Variants in CHODL observed in about 807,000 individuals in gnomAD.
CHODL encodes transmembrane protein MT75.
CHODL carries 29 observed loss-of-function variants against 34.5 expected under a neutral mutation model. The observed-to-expected ratio is 0.84, with a 90% CI of 0.63 to 1.15. The LOEUF (loss-of-function observed/expected upper bound fraction) is 1.15. CHODL is among the 50% of genes most tolerant of loss of function. CHODL has a pLI of 0.00. For missense variants in CHODL, 332 were observed against 332.5 expected, an observed-to-expected ratio of 1.00 and a Z score of 0.01; for synonymous variants, 125 against 116.1, an observed-to-expected ratio of 1.08 and a Z score of -0.49.
At chr21:18,167,137 G>A (rs890613009) in intron 2 of CHODL, among the ~76,000 whole-genome samples, 2 of 151,666 alleles carry the variant, frequency 1.3e-5, no homozygotes, top group Non-Finnish European at 2.9e-5. Flanking sequence ...ATACAGGTGA[G>A]ACAAATATCC....
In CHODL at chr21:17,920,583, C is replaced by A. The variant is rs114521735; in HGVS notation, c.-145+3183C>A. ...ATGGGATTTGGGTGGGGACACAGAA[C>A]AACCATATCATATACTAAACTCACA... On this transcript the variant is annotated intron_variant, in intron 1 of 6. Coordinates refer to the CHODL transcript ENST00000400127. Among the ~76,000 whole-genome samples the A allele has an allele frequency of 8.0e-3, 1,218 of 152,304 alleles. 19 individuals carry two copies. The highest frequency in any genetic ancestry group is 0.027 in the African/African-American group (1,122 of 41,550).
At chr21:18,000,050 T>A (rs553443991) in intron 1 of CHODL, among the ~76,000 whole-genome samples, 1 of 152,314 alleles carries the variant, frequency 6.6e-6, no homozygotes, top group South Asian at 2.1e-4. Context: ...CTCAAATATC[T>A]AGTTTCAACT....
chr21:18,244,983 C>T lies in CHODL; in HGVS notation c.-241C>T. The T allele has an allele frequency of 2.2e-6, 1 of 453,780 alleles. No homozygotes were observed. Among genetic ancestry groups the T allele is most frequent in the Non-Finnish European group, 3.9e-6 (1 of 258,804 alleles). The allele number at this position is 453,780 out of a possible 1,614,324, so 28.1% of individuals were successfully genotyped here. A position where few individuals can be genotyped will look rare whatever the true frequency, so the allele number is the denominator to read the frequency against. ...CACGGGACCCCCTAACTTCAGTCCC[C>T]CAAACGCGCACCCTCGAAGTCTTGA... On this transcript the variant is annotated 5_prime_UTR_variant, in exon 1 of 6. Transcript: ENST00000299295.
chr21:17,982,142 G>C (rs2063718792), intron 1 of CHODL, among the ~76,000 whole-genome samples: 1 of 152,184 alleles, frequency 6.6e-6, no homozygotes, highest in Non-Finnish European at 1.5e-5. Context: ...TTCTAACACG[G>C]ATTTTAAAAC....
chr21:17,933,249 C>G (rs1044373736), intron 1 of CHODL, among the ~76,000 whole-genome samples: 1 of 152,170 alleles, frequency 6.6e-6, no homozygotes, highest in African/African-American at 2.4e-5. Context: ...TATACTAATC[C>G]TCCTCAGCAC....
At chr21:17,976,342 G>A (rs184175562) in intron 1 of CHODL, among the ~76,000 whole-genome samples, 1 of 143,510 alleles carries the variant, frequency 7.0e-6, no homozygotes, top group African/African-American at 2.5e-5. Context: ...TCTTTTAGTT[G>A]AATGTACAGA....
At chr21:18,256,371 T>C (rs1291766959) in intron 1 of CHODL, 138 bp from the exon 2 acceptor site, 1 of 900,732 alleles carries the variant, frequency 1.1e-6, no homozygotes, top group Non-Finnish European at 1.6e-6. Context: ...GAAAATAAAC[T>C]TTATGAAATA....
intron 2 of CHODL, among the ~76,000 whole-genome samples, chr21:18,079,858 G>T (rs540132359): frequency 3.0e-4 from 24 of 79,626 alleles, no homozygotes; most frequent in Non-Finnish European, 7.7e-4. Context: ...CACAGTAGTG[G>T]GATTGCTAGA....
intron 2 of CHODL, among the ~76,000 whole-genome samples, chr21:18,041,303 G>A (rs1346401459): frequency 2.0e-5 from 3 of 151,764 alleles, no homozygotes; most frequent in Non-Finnish European, 2.9e-5. Flanking sequence ...TGGGGACTTG[G>A]GTAAGTTACT....
intron 1 of CHODL, among the ~76,000 whole-genome samples, chr21:17,967,469 T>C (rs928461400): frequency 6.6e-6 from 1 of 152,196 alleles, no homozygotes; most frequent in Non-Finnish European, 1.5e-5. Context: ...GTTTTTATTT[T>C]CAGTTTCTCC....
At chr21:18,061,671 A>T (rs892140131) in intron 2 of CHODL, among the ~76,000 whole-genome samples, 1 of 152,226 alleles carries the variant, frequency 6.6e-6, no homozygotes, top group African/African-American at 2.4e-5. Context: ...AGGAAAACAG[A>T]GGGAACACCA....
intron 2 of CHODL, among the ~76,000 whole-genome samples, chr21:18,238,146 A>G (rs75029795): frequency 0.039 from 5,912 of 152,156 alleles, 393 homozygotes; most frequent in African/African-American, 0.14. Flanking sequence ...AACTTGGGTT[A>G]GAGAAAACCA....
At chr21:17,941,331 G>A (rs113035309) in intron 1 of CHODL, among the ~76,000 whole-genome samples, 3 of 143,458 alleles carry the variant, frequency 2.1e-5, no homozygotes, top group South Asian at 2.2e-4. Flanking sequence ...CACTTTCCAA[G>A]GCTAGAAGAG....
At chr21:18,239,185 G>A (rs1486421390) in intron 2 of CHODL, among the ~76,000 whole-genome samples, 1 of 151,950 alleles carries the variant, frequency 6.6e-6, no homozygotes, top group Non-Finnish European at 1.5e-5. Context: ...ATACCTTATT[G>A]CAGATAAATA....
intron 1 of CHODL, among the ~76,000 whole-genome samples, chr21:18,247,354 TACA>T (rs761756512): frequency 1.6e-4 from 24 of 152,242 alleles, no homozygotes; most frequent in Non-Finnish European, 2.8e-4. Flanking sequence ...TAAATTTCAG[TACA>T]ACAATTTATA....
chr21:18,025,577 A>C (rs2064166810), intron 1 of CHODL, among the ~76,000 whole-genome samples: 1 of 152,106 alleles, frequency 6.6e-6, no homozygotes, highest in African/African-American at 2.4e-5. Flanking sequence ...AATTTTCAAG[A>C]TATGACATAA....
At chr21:18,145,478 G>A in intron 2 of CHODL, among the ~76,000 whole-genome samples, 1 of 144,844 alleles carries the variant, frequency 6.9e-6, no homozygotes, top group African/African-American at 2.6e-5. Flanking sequence ...ATATGATATT[G>A]AATTCATCTT....
At chr21:17,952,194 C>CAAAAAAAAAAAAAAAAAAAAAAAATAA (rs58511535) in intron 1 of CHODL, among the ~76,000 whole-genome samples, 1 of 80,366 alleles carries the variant, frequency 1.2e-5, no homozygotes, top group African/African-American at 5.2e-5. Flanking sequence ...TACTATGTCT[C>CAAAAAAAAAAAAAAAAAAAAAAAATAA]AAAAAAAAAA....
intron 2 of CHODL, among the ~76,000 whole-genome samples, chr21:18,202,442 C>A (rs2073665099): frequency 6.6e-6 from 1 of 152,062 alleles, no homozygotes; most frequent in South Asian, 2.1e-4. Flanking sequence ...AAGCTCTCAC[C>A]CCTTCTCCAC....
Sources: gnomAD v4.1 joint callset for allele counts (sites outside exome capture counted in the v4.1 genomes callset) on GRCh38, gnomAD v4.1.1 for gene constraint, MANE v1.5 for transcripts, NCBI Gene and HGNC (gene_info 2026-07-23, HGNC 2026-07-21) for gene names.